Variants in PAX8 observed in about 807,000 individuals in gnomAD.
PAX8 encodes the protein paired box 8.
In PAX8, 15 loss-of-function variants were observed where a neutral mutation model predicts 52.4. The ratio of observed to expected loss-of-function variants is 0.29; its 90% CI spans 0.19 to 0.44. The LOEUF is 0.44. Ranked by LOEUF, PAX8 falls within the 20% of genes least tolerant of loss-of-function variation. The pLI, the probability that PAX8 is intolerant of heterozygous loss-of-function variation, is 1.00. For missense variants in PAX8, 554 were observed against 602.5 expected (o/e 0.92, Z 0.84); for synonymous variants, 284 against 249.7 (o/e 1.14, Z -1.29).
intron 8 of PAX8, chr2:113,235,875 C>G (rs945704722): frequency 4.8e-6 from 2 of 416,996 alleles, no homozygotes; most frequent in African/African-American, 4.2e-5. Context: ...GGCCTAGGAC[C>G]GGAGGCGCGA....
At chr2:113,278,563 T>C in intron 1 of PAX8, 94 bp from the exon 2 acceptor site, 1 of 1,116,892 alleles carries the variant, frequency 9.0e-7, no homozygotes. Flanking sequence ...TACACCTGCA[T>C]CGTCTGCCAG....
At chr2:113,276,779 C>T (rs1250274166) in intron 2 of PAX8, among the ~76,000 whole-genome samples, 5 of 152,104 alleles carry the variant, frequency 3.3e-5, no homozygotes, top group Non-Finnish European at 7.4e-5. Flanking sequence ...ACTCACTCCT[C>T]CTGCCACCGC....
At chr2:113,224,325 T>C (rs954313049) in intron 10 of PAX8, among the ~76,000 whole-genome samples, 1 of 152,020 alleles carries the variant, frequency 6.6e-6, no homozygotes, top group Non-Finnish European at 1.5e-5. Context: ...GGCGGGCAGA[T>C]TGCCTGAGGC....
chr2:113,261,343 C>T (rs1296233099), intron 2 of PAX8, among the ~76,000 whole-genome samples: 3 of 152,054 alleles, frequency 2.0e-5, no homozygotes, highest in South Asian at 2.1e-4. Flanking sequence ...TGCCCTCAGC[C>T]GGGGAACAGA....
intron 7 of PAX8, chr2:113,240,473 G>A (rs1202475286): frequency 2.6e-5 from 4 of 152,238 alleles, no homozygotes; most frequent in Non-Finnish European, 4.4e-5. Flanking sequence ...GGGCAAAGAG[G>A]GGCAACAGAC....
At chr2:113,252,005 T>G (rs1023672837) in intron 2 of PAX8, among the ~76,000 whole-genome samples, 1 of 152,246 alleles carries the variant, frequency 6.6e-6, no homozygotes, top group Non-Finnish European at 1.5e-5. Flanking sequence ...TTGCATGGAT[T>G]CCCATGATTC....
chr2:113,267,279 G>C (rs1693146321), intron 2 of PAX8: 1 of 152,310 alleles, frequency 6.6e-6, no homozygotes, highest in Admixed American at 6.5e-5. Context: ...CGCTACTGCT[G>C]CTGCCCACTT....
At chr2:113,224,327 G>A (rs1472117082) in intron 10 of PAX8, among the ~76,000 whole-genome samples, 1 of 152,030 alleles carries the variant, frequency 6.6e-6, no homozygotes, top group Non-Finnish European at 1.5e-5. Context: ...CGGGCAGATT[G>A]CCTGAGGCCA....
Position 113,218,566 on chromosome 2 carries a change from C to T in PAX8, c.1320G>A (p.Pro440=), listed in dbSNP as rs199621222. Residue 440 remains proline (P), a synonymous_variant, in exon 12 of 12, where the codon CCG becomes CCA. Coordinates refer to ENST00000429538, the MANE Select transcript of PAX8 (RefSeq NM_003466.4). ...GGTCAAAGGCCGTGGCAGTGGTGGG[C>T]GGTGCACTCGGCCTTGATGTGGAAC... The part of the protein sequence containing the change: ...YYSSTSRPSA[P]PTTATAFDHL 22 of 1,558,864 alleles carry T rather than the reference C, an allele frequency of 1.4e-5. No individual in the cohort carries two copies. Among genetic ancestry groups the T allele is most frequent in the South Asian group, 7.1e-5 (6 of 84,214 alleles).
chr2:113,218,995 T>C (rs1558678948), intron 11 of PAX8, among the ~76,000 whole-genome samples: 1 of 152,212 alleles, frequency 6.6e-6, no homozygotes, highest in Admixed American at 6.5e-5. Context: ...GTCTTCTTTC[T>C]TAAGACCCAG....
In PAX8 at chr2:113,278,418, G is replaced by A. The variant is rs751029481; in HGVS notation, c.-24C>T. ...ATCGCCGGGGAGTCGCTCGCAGCCC[G>A]CCGAGGGCTCGGGGCTTCCTCCCGT... On this transcript the variant is annotated 5_prime_UTR_variant, in exon 2 of 12. Transcript: ENST00000429538. 1.9e-6 allele frequency: 3 copies of A among 1,610,432 alleles called. No homozygotes were observed. Among genetic ancestry groups the A allele is most frequent in the African/African-American group, 1.3e-5 (1 of 75,006 alleles).
In PAX8 at chr2:113,242,345, C is replaced by T. The variant is rs577414075; in HGVS notation, c.479-215G>A. 4.7e-5 allele frequency among the ~76,000 whole-genome samples: 7 copies of T among 149,372 alleles called. 1 individual carries two copies. Among genetic ancestry groups the T allele is most frequent in the African/African-American group, 1.2e-4 (5 of 41,380 alleles). ...GGGTCAGGGAGTGAGAGTGACACCC[C>T]TCACAGTCCCTGCTGACACTGTGCA... is the stretch of plus-strand genomic sequence containing the variant. On this transcript the variant is annotated intron_variant, in intron 5 of 11. Transcript: ENST00000429538.
At chr2:113,270,428 C>T (rs1693389184) in intron 2 of PAX8, 1 of 152,236 alleles carries the variant, frequency 6.6e-6, no homozygotes, top group Non-Finnish European at 1.5e-5. Flanking sequence ...ACAAAAACAG[C>T]AAGGTCTGGG....
intron 10 of PAX8, 97 bp downstream of exon 10, chr2:113,227,058 A>G (rs1220771219): frequency 2.6e-6 from 4 of 1,535,786 alleles, no homozygotes; most frequent in Non-Finnish European, 3.5e-6. Flanking sequence ...TGGGAAGTCT[A>G]TGAATAGGGC....
intron 7 of PAX8, chr2:113,240,646 C>G (rs1690740359): frequency 6.6e-6 from 1 of 152,258 alleles, no homozygotes. Context: ...CGGACACCAA[C>G]CTGTTATGAT....
rs114736880 is a variant in PAX8 at position 113,242,044 on chromosome 2, C to T, written c.565G>A (p.Ala189Thr). ...TTCCTCTTGTCGCTGCCAGGCTGAG[C>T]GATGCCCAGGAGCCCATTGATGGAG... The part of the protein sequence containing the change: ...TYSINGLLGI[A>T]QPGSDKRKMD... Residue 189 changes from alanine to threonine, a missense_variant, in exon 6 of 12, where the codon GCT (alanine) becomes ACT (threonine). Coordinates refer to ENST00000429538, the MANE Select transcript of PAX8 (RefSeq NM_003466.4). 2.7e-5 allele frequency: 44 copies of T among 1,613,646 alleles called. No individual in the cohort carries two copies. Among genetic ancestry groups the T allele is most frequent in the African/African-American group, 1.9e-4 (14 of 75,034 alleles).
rs1026002038 is a variant in PAX8 at position 113,216,997 on chromosome 2, C to T, written c.*1536G>A. The T allele has an allele frequency of 4.3e-6, 1 of 231,526 alleles. No individual in the cohort carries two copies. Among genetic ancestry groups the T allele is most frequent in the Non-Finnish European group, 8.6e-6 (1 of 116,908 alleles). 14.3% of individuals were successfully genotyped at this position (231,526 alleles called of 1,614,324 possible). ...CAAGAGAGCCCAGTCTTCTCTCTCC[C>T]TTCAGAGCTGTTTATGCAGGCTCCA... On this transcript the variant is annotated 3_prime_UTR_variant, in exon 12 of 12. Coordinates refer to ENST00000429538, the MANE Select transcript of PAX8 (RefSeq NM_003466.4).
chr2:113,266,006 A>AAGGGGCAG (rs1284507665), intron 2 of PAX8: 2 of 152,254 alleles, frequency 1.3e-5, no homozygotes, highest in Admixed American at 6.5e-5. Flanking sequence ...TGAGAGAGTG[A>AAGGGGCAG]AGGGGCAGTG....
chr2:113,262,990 T>A (rs781686426), intron 2 of PAX8, among the ~76,000 whole-genome samples: 2 of 152,216 alleles, frequency 1.3e-5, no homozygotes, highest in Non-Finnish European at 1.5e-5. Context: ...GTTTTAGAGC[T>A]TTAGCCCTGA....
Sources: gnomAD v4.1 joint callset for allele counts (sites outside exome capture counted in the v4.1 genomes callset) on GRCh38, gnomAD v4.1.1 for gene constraint, MANE v1.5 for transcripts, NCBI Gene and HGNC (gene_info 2026-07-23, HGNC 2026-07-21) for gene names.